The following GPR143 variants were observed in gnomAD, a reference collection of about 807,000 sequenced individuals.
GPR143 encodes the protein G protein-coupled receptor 143.
GPR143 carries 8 observed loss-of-function variants against 27.6 expected under a neutral mutation model. The ratio of observed to expected loss-of-function variants is 0.29; its 90% CI spans 0.17 to 0.52. The LOEUF (loss-of-function observed/expected upper bound fraction) is 0.52. GPR143 is among the 20% of genes least tolerant of loss of function. The probability of loss-of-function intolerance (pLI) is 0.96; values close to 1 mark genes in which losing one functional copy is unlikely to be tolerated. For synonymous variants in GPR143, 156 were observed against 153.2 expected (o/e 1.02, Z -0.13); for missense variants, 303 against 343.1 (o/e 0.88, Z 0.92).
intron 8 of GPR143, among the ~76,000 whole-genome samples, chrX:9,734,846 T>A (rs1218398014): frequency 8.9e-6 from 1 of 111,934 alleles, no homozygotes; most frequent in Non-Finnish European, 1.9e-5. Context: ...CATGCCCCCC[T>A]GGCTCGCTCC....
intron 3 of GPR143, among the ~76,000 whole-genome samples, chrX:9,755,536 G>A (rs1446727228): frequency 4.6e-5 from 5 of 109,385 alleles, no homozygotes. Flanking sequence ...ATATGTAACT[G>A]GCATTGTATG....
chrX:9,755,594 C>T (rs2083470801), intron 3 of GPR143, among the ~76,000 whole-genome samples: 3 of 111,212 alleles, frequency 2.7e-5, no homozygotes, highest in African/African-American at 9.8e-5. Flanking sequence ...ACACAGGCCT[C>T]TATTGCATTG....
At chrX:9,764,765 G>T (rs931984560) in intron 1 of GPR143, among the ~76,000 whole-genome samples, 1 of 111,634 alleles carries the variant, frequency 9.0e-6, no homozygotes, top group Non-Finnish European at 1.9e-5. Context: ...GGTGGCTTAC[G>T]CCTGTAATCC....
intron 3 of GPR143, among the ~76,000 whole-genome samples, chrX:9,750,906 T>C (rs772017873): frequency 6.2e-5 from 7 of 112,674 alleles, no homozygotes; most frequent in Non-Finnish European, 1.1e-4. Context: ...CTGTGATGTT[T>C]GTTATAGCAG....
At chrX:9,735,594 A>G (rs1254065534) in intron 8 of GPR143, among the ~76,000 whole-genome samples, 2 of 111,252 alleles carry the variant, frequency 1.8e-5, no homozygotes, top group Non-Finnish European at 3.8e-5. Flanking sequence ...CTTACTTGGG[A>G]GTTTCACAAA....
chrX:9,777,348 A>C (rs1055755799), intron 1 of GPR143, among the ~76,000 whole-genome samples: 2 of 112,024 alleles, frequency 1.8e-5, no homozygotes, highest in Non-Finnish European at 3.8e-5. Flanking sequence ...TTGAGCCTAC[A>C]GTGAGCTATG....
intron 1 of GPR143, among the ~76,000 whole-genome samples, chrX:9,771,392 T>G (rs1171720182): frequency 9.0e-6 from 1 of 111,276 alleles, no homozygotes; most frequent in Non-Finnish European, 1.9e-5. Flanking sequence ...TAGGGAGACA[T>G]GTGAAGTGGC....
intron 6 of GPR143, 145 bp downstream of exon 6, chrX:9,743,420 C>A: frequency 2.1e-6 from 1 of 474,127 alleles, no homozygotes; most frequent in Non-Finnish European, 3.7e-6. Flanking sequence ...TGCCTTTCCT[C>A]AAAGGGCACC....
intron 5 of GPR143, among the ~76,000 whole-genome samples, chrX:9,744,353 T>C (rs1405746852): frequency 9.1e-6 from 1 of 110,472 alleles, no homozygotes; most frequent in Non-Finnish European, 1.9e-5. Context: ...ATAAATAAAT[T>C]CCCAATTTTA....
At chrX:9,749,145 T>C (rs1008648793) in intron 3 of GPR143, among the ~76,000 whole-genome samples, 27 of 111,747 alleles carry the variant, frequency 2.4e-4, no homozygotes, top group South Asian at 3.8e-4. Flanking sequence ...AATTGAATCA[T>C]GGGGGCGGTT....
At chrX:9,735,159 G>A (rs1244689906) in intron 8 of GPR143, among the ~76,000 whole-genome samples, 2 of 112,315 alleles carry the variant, frequency 1.8e-5, no homozygotes, top group Non-Finnish European at 3.8e-5. Flanking sequence ...CACAAAACGC[G>A]ATGCATTACG....
chrX:9,770,187 A>G (rs1414627863), upstream of GPR143, among the ~76,000 whole-genome samples: 1 of 70,009 alleles, frequency 1.4e-5, no homozygotes, highest in Non-Finnish European at 2.8e-5. Context: ...AAAAAAAAAA[A>G]AAAGCCGGGC....
intron 1 of GPR143, 35 bp downstream of exon 1, chrX:9,765,533 T>G: frequency 9.4e-7 from 1 of 1,068,355 alleles, no homozygotes. Flanking sequence ...CAGGCGCTGA[T>G]CAGATTCCAA....
chrX:9,732,317 G>A (rs138753491), intron 8 of GPR143, among the ~76,000 whole-genome samples: 2,495 of 111,434 alleles, frequency 0.022, 72 homozygotes, highest in African/African-American at 0.076. Flanking sequence ...GAGAAACAAA[G>A]AAGTATGGGA....
intron 1 of GPR143, among the ~76,000 whole-genome samples, chrX:9,765,004 A>C (rs1410883061): frequency 6.4e-5 from 6 of 94,309 alleles, no homozygotes; most frequent in African/African-American, 2.4e-4. Context: ...AGTCTGGGCG[A>C]CAGAGCAAGA....
At chrX:9,734,241 CAG>C (rs1429800590) in intron 8 of GPR143, among the ~76,000 whole-genome samples, 16 of 110,499 alleles carry the variant, frequency 1.4e-4, no homozygotes, top group Non-Finnish European at 1.9e-4. Context: ...GTGGGAGAGA[CAG>C]GGGACTGTGG....
At chrX:9,749,226 T>TCCCCCCCCCC (rs1315734826) in intron 3 of GPR143, among the ~76,000 whole-genome samples, 1 of 73,092 alleles carries the variant, frequency 1.4e-5, no homozygotes, top group Admixed American at 1.5e-4. Context: ...GGGATTTCCC[T>TCCCCCCCCCC]CCCCCCCCAA....
chrX:9,745,930 C>T (rs2083426426), intron 5 of GPR143, 114 bp downstream of exon 5: 7 of 554,958 alleles, frequency 1.3e-5, no homozygotes, highest in Admixed American at 7.2e-5. Context: ...TGGAGGATGA[C>T]AAATGAGGTC....
Position 9,739,497 on chromosome X carries a change from T to A in GPR143, c.1108A>T (p.Met370Leu), listed in dbSNP as rs745715129. The A allele has an allele frequency of 8.3e-7, 1 of 1,200,476 alleles. No individual in the cohort carries two copies. Among genetic ancestry groups the A allele is most frequent in the East Asian group, 3.0e-5 (1 of 33,743 alleles). ...GACAGGGCATTACCTTCAGACAGCATGCTCAGGGCTTCGTCAGAAGTCTGC... is the reference window on the plus strand; with the variant it reads ...GACAGGGCATTACCTTCAGACAGCAAGCTCAGGGCTTCGTCAGAAGTCTGC... ...GGQTSDEALS[M>L]LSEGSDASTI... Residue 370 changes from methionine to leucine, a missense_variant, in exon 8 of 9, where the codon ATG becomes TTG. Physicochemically the swap from Met to Leu is conservative, Grantham distance 15 (BLOSUM62 2). Transcript: ENST00000467482.
Sources: allele counts gnomAD v4.1 joint callset (sites outside exome capture counted in the v4.1 genomes callset), GRCh38; gene constraint gnomAD v4.1.1; transcripts MANE v1.5; gene names NCBI Gene and HGNC (gene_info 2026-07-23, HGNC 2026-07-21).